The following SKAP1 variants were observed in gnomAD, a reference collection of about 807,000 sequenced individuals.
The protein encoded by SKAP1 is src kinase associated phosphoprotein 1.
SKAP1 carries 44 observed loss-of-function variants against 58.5 expected under a neutral mutation model. The ratio of observed to expected loss-of-function variants is 0.75; its 90% CI spans 0.59 to 0.97. The LOEUF (loss-of-function observed/expected upper bound fraction) is 0.97. Ranked by LOEUF, SKAP1 falls within the 50% of genes least tolerant of loss-of-function variation. The pLI, the probability that SKAP1 is intolerant of heterozygous loss-of-function variation, is 0.00. For synonymous variants in SKAP1, 127 were observed against 149.7 expected (o/e 0.85, Z 1.11); for missense variants, 390 against 435.2 (o/e 0.90, Z 0.92).
In SKAP1 at chr17:48,156,402, G is replaced by A. The variant is rs564986322; in HGVS notation, c.978+6067C>T. On this transcript the variant is annotated intron_variant, in intron 11 of 12. Transcript: ENST00000336915. ...TAATTTACGAGTCGCAGGCTCTCAG[G>A]AGCCATTGGTTACGTATGAGGAGAC... The A allele has an allele frequency of 1.0e-5, 4 of 400,036 alleles. 1 individual carries two copies. The highest frequency in any genetic ancestry group is 6.4e-5 in the African/African-American group (3 of 47,054). The allele number at this position is 400,036 out of a possible 1,614,324, so 24.8% of individuals were successfully genotyped here. A position where few individuals can be genotyped will look rare whatever the true frequency, so the allele number is the denominator to read the frequency against.
At chr17:48,395,277 T>TC (rs1402052090) in intron 2 of SKAP1, among the ~76,000 whole-genome samples, 2 of 152,220 alleles carry the variant, frequency 1.3e-5, no homozygotes, top group Non-Finnish European at 2.9e-5. Flanking sequence ...TAGTCCTTTC[T>TC]CAATGCTGTG....
At chr17:48,143,815 A>G (rs1290646575) in intron 11 of SKAP1, among the ~76,000 whole-genome samples, 1 of 152,154 alleles carries the variant, frequency 6.6e-6, no homozygotes, top group Non-Finnish European at 1.5e-5. Flanking sequence ...ACAGTAAGGC[A>G]TTTGCTCCCC....
chr17:48,394,072 C>G (rs1010724312), intron 2 of SKAP1, among the ~76,000 whole-genome samples: 1 of 151,858 alleles, frequency 6.6e-6, no homozygotes, highest in African/African-American at 2.4e-5. Flanking sequence ...CCTGTCTCTA[C>G]AAAAAGTAAA....
chr17:48,296,563 T>C (rs1206818564), intron 4 of SKAP1, among the ~76,000 whole-genome samples: 1 of 152,172 alleles, frequency 6.6e-6, no homozygotes, highest in Non-Finnish European at 1.5e-5. Context: ...TACTTTAAGT[T>C]TGCAAATATT....
intron 9 of SKAP1, among the ~76,000 whole-genome samples, chr17:48,174,327 G>T (rs780700074): frequency 6.6e-6 from 1 of 152,198 alleles, no homozygotes; most frequent in African/African-American, 2.4e-5. Context: ...TGGGCTTGGC[G>T]CTATGCCTCT....
chr17:48,249,972 G>T (rs1208064511), intron 4 of SKAP1, among the ~76,000 whole-genome samples: 1 of 151,676 alleles, frequency 6.6e-6, no homozygotes, highest in Non-Finnish European at 1.5e-5. Context: ...AAGCTTGCTG[G>T]TTGGAGCTGT....
intron 11 of SKAP1, among the ~76,000 whole-genome samples, chr17:48,152,911 C>T (rs2063919648): frequency 6.6e-6 from 1 of 152,140 alleles, no homozygotes; most frequent in African/African-American, 2.4e-5. Context: ...CAATTCTGAG[C>T]ATTAACCTAA....
At chr17:48,322,549 T>C (rs2066381878) in intron 4 of SKAP1, among the ~76,000 whole-genome samples, 1 of 152,166 alleles carries the variant, frequency 6.6e-6, no homozygotes. Flanking sequence ...TCTGAGCAAG[T>C]GGCTGCTGTA....
At chr17:48,181,922 G>A (rs564031858) in intron 8 of SKAP1, among the ~76,000 whole-genome samples, 9 of 152,246 alleles carry the variant, frequency 5.9e-5, no homozygotes, top group African/African-American at 2.2e-4. Flanking sequence ...TGTGGCTTGG[G>A]AAATAACAGT....
the SKAP1 span, among the ~76,000 whole-genome samples, chr17:48,443,425 A>G: frequency 1.5e-4 from 23 of 152,116 alleles, no homozygotes; most frequent in East Asian, 3.9e-3. Flanking sequence ...TAGGTCCTCA[A>G]TAAAGGATTA....
chr17:48,382,766 A>T (rs2067231709), intron 2 of SKAP1, among the ~76,000 whole-genome samples: 1 of 152,230 alleles, frequency 6.6e-6, no homozygotes, highest in Non-Finnish European at 1.5e-5. Flanking sequence ...CTTAACCAAA[A>T]GTTGGAAGGA....
chr17:48,159,154 A>G (rs2064034172), intron 11 of SKAP1, among the ~76,000 whole-genome samples: 1 of 152,166 alleles, frequency 6.6e-6, no homozygotes, highest in East Asian at 1.9e-4. Flanking sequence ...ATTTATGAGA[A>G]CTGAAAACAA....
At chr17:48,383,002 G>A (rs576296106) in intron 2 of SKAP1, among the ~76,000 whole-genome samples, 10 of 152,254 alleles carry the variant, frequency 6.6e-5, no homozygotes, top group African/African-American at 1.7e-4. Flanking sequence ...GACTCTAGCC[G>A]CTCACTGGCC....
At chr17:48,430,226 G>A, upstream of SKAP1, 5 of 959,306 alleles carry the variant, frequency 5.2e-6, no homozygotes, top group African/African-American at 5.1e-5. Flanking sequence ...CCTCAGCCGC[G>A]GTCGCCGCCC....
intron 4 of SKAP1, among the ~76,000 whole-genome samples, chr17:48,345,349 A>G (rs1429886709): frequency 6.6e-6 from 1 of 152,228 alleles, no homozygotes; most frequent in East Asian, 1.9e-4. Context: ...CAAATATTCA[A>G]GTAAAATTGA....
At chr17:48,156,481 G>T (rs370132472) in intron 11 of SKAP1, 11 of 528,268 alleles carry the variant, frequency 2.1e-5, no homozygotes, top group Non-Finnish European at 3.9e-5. Context: ...ACCCTGCTGT[G>T]GCTTGAGCTG....
chr17:48,379,682 C>CTTCT (rs529807744), intron 2 of SKAP1, among the ~76,000 whole-genome samples: 8 of 124,058 alleles, frequency 6.4e-5, no homozygotes, highest in African/African-American at 1.8e-4. Flanking sequence ...GTATCTTCTT[C>CTTCT]TTTTTTTTTT....
intron 9 of SKAP1, among the ~76,000 whole-genome samples, chr17:48,172,755 G>C (rs117852869): frequency 0.019 from 2,918 of 152,154 alleles, 36 homozygotes; most frequent in Non-Finnish European, 0.031. Flanking sequence ...AATGTTTATA[G>C]GGCAATATGA....
intron 1 of SKAP1, among the ~76,000 whole-genome samples, chr17:48,402,609 C>T (rs1045613095): frequency 2.6e-5 from 4 of 151,990 alleles, no homozygotes; most frequent in African/African-American, 9.7e-5. Flanking sequence ...GGATTACAGG[C>T]GTGAGCCACC....
Sources: allele counts gnomAD v4.1 joint callset (sites outside exome capture counted in the v4.1 genomes callset), GRCh38; gene constraint gnomAD v4.1.1; transcripts MANE v1.5; gene names NCBI Gene and HGNC (gene_info 2026-07-23, HGNC 2026-07-21).